The following SLC4A4 variants were observed in gnomAD, a reference collection of about 807,000 sequenced individuals.
The protein encoded by SLC4A4 is electrogenic sodium bicarbonate cotransporter 1.
Under a neutral mutation model 111.5 loss-of-function variants are expected in SLC4A4, and 27 were observed. The observed-to-expected ratio is 0.24, with a 90% CI of 0.18 to 0.33. SLC4A4 has a LOEUF of 0.33. Among genes scored for constraint, SLC4A4 ranks in the 10% least tolerant of loss-of-function variants. SLC4A4 has a pLI of 1.00. For missense variants in SLC4A4, 909 were observed against 1,315.5 expected (o/e 0.69, Z 4.78); for synonymous variants, 443 against 463.4 (o/e 0.96, Z 0.57).
At chr4:71,444,898 C>T (rs1725083267) in intron 8 of SLC4A4, among the ~76,000 whole-genome samples, 1 of 152,216 alleles carries the variant, frequency 6.6e-6, no homozygotes, top group East Asian at 1.9e-4. Context: ...CTCTATTTAT[C>T]ATTTTAAGGA....
chr4:71,102,645 C>G (rs1291760004), intron 2 of SLC4A4, among the ~76,000 whole-genome samples: 2 of 150,674 alleles, frequency 1.3e-5, no homozygotes, highest in African/African-American at 4.9e-5. Context: ...AATTTTCAAC[C>G]CAGAATTTCA....
chr4:71,178,971 C>A (rs1003079769), intron 2 of SLC4A4, among the ~76,000 whole-genome samples: 8 of 152,156 alleles, frequency 5.3e-5, no homozygotes, highest in Admixed American at 3.9e-4. Context: ...TACTGGCAAA[C>A]CGAATCCAGC....
intron 8 of SLC4A4, 82 bp from the exon 9 acceptor site, chr4:71,447,564 A>C: frequency 1.2e-6 from 1 of 865,142 alleles, no homozygotes; most frequent in Non-Finnish European, 2.0e-6. Context: ...TTTATGAACT[A>C]AGTTAAACAT....
chr4:71,089,282 C>G (rs1285874579), intron 1 of SLC4A4, among the ~76,000 whole-genome samples: 1 of 151,948 alleles, frequency 6.6e-6, no homozygotes, highest in African/African-American at 2.4e-5. Context: ...ATTGGTTATT[C>G]TAGTTGGCCA....
At chr4:71,506,179 G>T (rs769808127) in intron 16 of SLC4A4, among the ~76,000 whole-genome samples, 4 of 152,040 alleles carry the variant, frequency 2.6e-5, no homozygotes, top group Non-Finnish European at 5.9e-5. Flanking sequence ...CTCTTTTTTG[G>T]TTTCATATGA....
rs1334978511 is a variant in SLC4A4, at chr4:71,569,543, A to G, written c.*1792A>G. 2.0e-5 allele frequency: 3 copies of G among 151,784 alleles called. No individual in the cohort carries two copies. Among genetic ancestry groups the G allele is most frequent in the African/African-American group, 4.8e-5 (2 of 41,382 alleles). The allele number at this position is 151,784 out of a possible 1,614,324, so 9.4% of individuals were successfully genotyped here. Reference sequence around the variant, plus strand: ...AAAGGTAATATTTTTAATATGATACATTACATATTGTGAATGTATACTAAA... The same window carrying G: ...AAAGGTAATATTTTTAATATGATACGTTACATATTGTGAATGTATACTAAA... On this transcript the variant is annotated 3_prime_UTR_variant, in exon 26 of 26. Transcript: ENST00000264485.
At chr4:71,168,177 C>CTTTTTTTTT (rs777092928) in intron 2 of SLC4A4, among the ~76,000 whole-genome samples, 10 of 106,232 alleles carry the variant, frequency 9.4e-5, no homozygotes, top group African/African-American at 3.5e-4. Flanking sequence ...CAATTATACT[C>CTTTTTTTTT]TTTTTTTTTT....
At chr4:71,109,276 T>G (rs947161514) in intron 2 of SLC4A4, among the ~76,000 whole-genome samples, 1 of 152,284 alleles carries the variant, frequency 6.6e-6, no homozygotes, top group East Asian at 1.9e-4. Flanking sequence ...CCCCCATATA[T>G]GTAGTTGCTT....
intron 2 of SLC4A4, among the ~76,000 whole-genome samples, chr4:71,096,240 T>A (rs1334712054): frequency 6.6e-6 from 1 of 152,078 alleles, no homozygotes; most frequent in Non-Finnish European, 1.5e-5. Flanking sequence ...ATTCTCTGCA[T>A]AGGGTGGCTG....
At chr4:71,317,747 T>G (rs1726802372) in intron 3 of SLC4A4, among the ~76,000 whole-genome samples, 1 of 151,794 alleles carries the variant, frequency 6.6e-6, no homozygotes, top group Non-Finnish European at 1.5e-5. Context: ...GCAGGAAGAG[T>G]ACGGACTTTA....
At chr4:71,115,422 A>G (rs1242478723) in intron 2 of SLC4A4, among the ~76,000 whole-genome samples, 2 of 152,360 alleles carry the variant, frequency 1.3e-5, no homozygotes, top group East Asian at 3.9e-4. Context: ...AAAACAAAAC[A>G]AAACAAAAAA....
Position 71,378,035 on chromosome 4 carries a change from T to C in SLC4A4, c.731-19542T>C, listed in dbSNP as rs1304726382. On this transcript the variant is annotated intron_variant, in intron 6 of 25. Coordinates refer to ENST00000264485, the MANE Select transcript of SLC4A4 (RefSeq NM_001098484.3). ...AACCCATCAGATCTCGTAAGACTTATTCAGTATCAGGAGAATAGCACAGGA... is the reference window on the plus strand; with the variant it reads ...AACCCATCAGATCTCGTAAGACTTACTCAGTATCAGGAGAATAGCACAGGA... Among the ~76,000 whole-genome samples, 4 of 152,106 alleles carry C rather than the reference T, an allele frequency of 2.6e-5. No individual in the cohort carries two copies. In the East Asian group the frequency reaches 7.7e-4, roughly 29 times the overall value.
Position 71,546,496 on chromosome 4 carries a change from A to C in SLC4A4, c.2589A>C (p.Ala863=). The C allele has an allele frequency of 1.9e-6, 3 of 1,612,546 alleles. No individual in the cohort carries two copies. Among genetic ancestry groups the C allele is most frequent in the Non-Finnish European group, 2.5e-6 (3 of 1,179,008 alleles). The change falls in exon 19 of 26, where the codon GCA becomes GCC. Residue 863 remains alanine (A), a synonymous_variant. Coordinates refer to ENST00000264485, the MANE Select transcript of SLC4A4 (RefSeq NM_001098484.3). The part of the protein sequence containing the change: ...DSLKMETETS[A]PGEQPKFLGV... The stretch of plus-strand genomic sequence containing the variant: ...TGAAGATGGAGACAGAGACTTCTGC[A>C]CCTGGAGAACAACCAAAGTTTCTAG...
intron 2 of SLC4A4, among the ~76,000 whole-genome samples, chr4:71,107,523 A>G (rs1022544175): frequency 1.3e-5 from 2 of 151,344 alleles, no homozygotes; most frequent in African/African-American, 2.4e-5. Context: ...ATTTTTTTGC[A>G]TTTTTTAGTA....
At position 71,567,894 on chromosome 4, in the gene SLC4A4, C is replaced by T. The variant is rs780709856; in HGVS notation, c.*143C>T. On this transcript the variant is annotated 3_prime_UTR_variant, in exon 26 of 26. Coordinates refer to ENST00000264485, the MANE Select transcript of SLC4A4 (RefSeq NM_001098484.3). ...CAAGGGAACAGAAACTACATTGTAA[C>T]CTGTTTGTCTTTCTTAAAACTGACA... 1 of 1,441,660 alleles carries T rather than the reference C, an allele frequency of 6.9e-7. No individual in the cohort carries two copies. The highest frequency in any genetic ancestry group is 9.5e-7 in the Non-Finnish European group (1 of 1,056,528). 89.3% of individuals were successfully genotyped at this position (1,441,660 alleles called of 1,614,324 possible).
chr4:71,262,565 G>A (rs563153146), intron 3 of SLC4A4, among the ~76,000 whole-genome samples: 3 of 152,178 alleles, frequency 2.0e-5, no homozygotes, highest in African/African-American at 4.8e-5. Flanking sequence ...TGCACTGAGC[G>A]CTGTTGGTTT....
At chr4:71,516,958 T>C (rs1732459577) in intron 16 of SLC4A4, among the ~76,000 whole-genome samples, 1 of 152,194 alleles carries the variant, frequency 6.6e-6, no homozygotes, top group Non-Finnish European at 1.5e-5. Flanking sequence ...TGGTGCAAAA[T>C]ACACTGCTAG....
At chr4:71,185,817 T>G (rs1299754972), upstream of SLC4A4, among the ~76,000 whole-genome samples, 1 of 152,200 alleles carries the variant, frequency 6.6e-6, no homozygotes, top group Non-Finnish European at 1.5e-5. Flanking sequence ...TAGCTTTGTA[T>G]TGAAGAAATA....
chr4:71,140,325 G>C (rs112197012), intron 2 of SLC4A4, among the ~76,000 whole-genome samples: 149 of 152,226 alleles, frequency 9.8e-4, no homozygotes, highest in African/African-American at 3.4e-3. Context: ...GGAGGCTGAG[G>C]GGGGAGGATT....
Sources: allele counts gnomAD v4.1 joint callset (sites outside exome capture counted in the v4.1 genomes callset), GRCh38; gene constraint gnomAD v4.1.1; transcripts MANE v1.5; gene names NCBI Gene and HGNC (gene_info 2026-07-23, HGNC 2026-07-21).